The following XKR6 variants were observed in gnomAD, a reference collection of about 807,000 sequenced individuals.
XKR6 encodes the protein XK-related protein 6.
A neutral mutation model predicts 56.7 loss-of-function variants in XKR6; 22 were observed. The observed-to-expected ratio is 0.39, with a 90% CI of 0.28 to 0.55. The LOEUF is 0.55. Ranked by LOEUF, XKR6 falls within the 20% of genes least tolerant of loss-of-function variation. XKR6 has a pLI of 0.66. For synonymous variants in XKR6, 524 were observed against 387.8 expected, an observed-to-expected ratio of 1.35 and a Z score of -4.13; for missense variants, 852 against 889.0, an observed-to-expected ratio of 0.96 and a Z score of 0.53.
Position 10,898,436 on chromosome 8 carries a change from A to T in XKR6, c.1442T>A (p.Phe481Tyr). Reference sequence around the variant, plus strand: ...TGCGATCCCAGCCACAAAGCTAATAAAGACACAACACAGTGCTGGCACCGC... The same window carrying T: ...TGCGATCCCAGCCACAAAGCTAATATAGACACAACACAGTGCTGGCACCGC... ...SYAVPALCCV[F>Y]ISFVAGIAMM... Residue 481 changes from phenylalanine to tyrosine, a missense_variant, in exon 3 of 3, where the codon TTT (phenylalanine) becomes TAT (tyrosine). Around this residue, in one of 4 missense-constraint regions of XKR6, gnomAD observed 197 missense variants for 190.9 expected, o/e 1.03. Transcript: ENST00000416569. The surrounding 1 kb of genome is among the most constrained non-coding windows in gnomAD (Gnocchi z 6.6). The T allele has an allele frequency of 6.2e-7, 1 of 1,614,106 alleles. No individual in the cohort carries two copies. Among genetic ancestry groups the T allele is most frequent in the Non-Finnish European group, 8.5e-7 (1 of 1,180,010 alleles).
chr8:10,981,254 T>C (rs797018884), intron 1 of XKR6, among the ~76,000 whole-genome samples: 12 of 152,172 alleles, frequency 7.9e-5, no homozygotes, highest in African/African-American at 2.6e-4. Flanking sequence ...AGGGGGTAAA[T>C]AGATTTTCGA....
intron 1 of XKR6, chr8:11,194,772 T>C (rs1248647993): frequency 8.0e-6 from 2 of 250,352 alleles, no homozygotes; most frequent in Non-Finnish European, 7.7e-6. Flanking sequence ...TAGTATCAAA[T>C]GATGTTGAAG....
chr8:11,186,296 C>A (rs2117108056), intron 1 of XKR6, among the ~76,000 whole-genome samples: 1 of 152,314 alleles, frequency 6.6e-6, no homozygotes, highest in South Asian at 2.1e-4. Context: ...AGGTGTTGCC[C>A]AGCCACCCTT....
At position 11,164,698 on chromosome 8, in the gene XKR6, G is replaced by T. The variant is rs376280542; in HGVS notation, c.764+35878C>A. Among the ~76,000 whole-genome samples the T allele has an allele frequency of 3.0e-4, 46 of 152,214 alleles. 1 individual carries two copies. The highest frequency in any genetic ancestry group is 1.5e-3 in the East Asian group (8 of 5,184). ...AATAGAGAGGGTCTTTGATTCTTAG[G>T]ATCCCCCTTTTCTTTTCCATCCATT... On this transcript the variant is annotated intron_variant, in intron 1 of 2. Transcript: ENST00000416569.
chr8:11,136,022 A>T (rs1158715257), intron 1 of XKR6, among the ~76,000 whole-genome samples: 2 of 152,216 alleles, frequency 1.3e-5, no homozygotes, highest in African/African-American at 4.8e-5. Context: ...TATCTATGGA[A>T]TTGAGATATT....
intron 1 of XKR6, among the ~76,000 whole-genome samples, chr8:11,144,244 G>GTGTGTGTGTGTGTGTGTGTGTGTGTGTA (rs767539492): frequency 5.3e-4 from 79 of 149,528 alleles, no homozygotes; most frequent in South Asian, 8.7e-4. Flanking sequence ...GTGTGTGTGT[G>GTGTGTGTGTGTGTGTGTGTGTGTGTGTA]TGTGTGTGTG....
At chr8:10,929,373 T>G (rs1003994065) in intron 1 of XKR6, among the ~76,000 whole-genome samples, 74 of 152,240 alleles carry the variant, frequency 4.9e-4, no homozygotes, top group African/African-American at 1.7e-3. Context: ...GACAGCAAAC[T>G]GAAGCACTGA....
intron 1 of XKR6, among the ~76,000 whole-genome samples, chr8:10,967,795 G>A (rs527576685): frequency 2.7e-4 from 41 of 152,342 alleles, no homozygotes; most frequent in African/African-American, 9.4e-4. Flanking sequence ...GGAGGCTCCT[G>A]CTCCTGGCGG....
At chr8:10,986,788 C>CT (rs879286074) in intron 1 of XKR6, among the ~76,000 whole-genome samples, 108 of 143,024 alleles carry the variant, frequency 7.6e-4, no homozygotes, top group East Asian at 2.8e-3. Flanking sequence ...GTTGTTGTTT[C>CT]TTTTTTTTTT....
intron 1 of XKR6, among the ~76,000 whole-genome samples, chr8:11,142,867 A>C (rs13256092): frequency 6.6e-6 from 1 of 152,102 alleles, no homozygotes; most frequent in Non-Finnish European, 1.5e-5. Flanking sequence ...AATGAATTGT[A>C]ACTTGTCGAC....
At chr8:11,117,118 G>C (rs1799220484) in intron 1 of XKR6, among the ~76,000 whole-genome samples, 1 of 152,138 alleles carries the variant, frequency 6.6e-6, no homozygotes, top group African/African-American at 2.4e-5. Context: ...ATTTATTTAA[G>C]AACATTCAAC....
At chr8:11,130,112 T>C (rs748184183) in intron 1 of XKR6, among the ~76,000 whole-genome samples, 4 of 152,236 alleles carry the variant, frequency 2.6e-5, no homozygotes, top group Admixed American at 6.5e-5. Flanking sequence ...GACAAGAAGG[T>C]CCTTTTCACT....
intron 1 of XKR6, among the ~76,000 whole-genome samples, chr8:11,026,279 T>C (rs1798860205): frequency 6.6e-6 from 1 of 150,642 alleles, no homozygotes; most frequent in Non-Finnish European, 1.5e-5. Context: ...TGGTGTTGCC[T>C]ACTACACACC....
intron 1 of XKR6, among the ~76,000 whole-genome samples, chr8:10,991,371 C>G (rs1797990072): frequency 6.6e-6 from 1 of 152,158 alleles, no homozygotes; most frequent in South Asian, 2.1e-4. Flanking sequence ...TTGCAACTGC[C>G]TCTTTCACTT....
chr8:11,153,041 A>C (rs1441885318), intron 1 of XKR6, among the ~76,000 whole-genome samples: 3 of 152,248 alleles, frequency 2.0e-5, no homozygotes, highest in African/African-American at 7.2e-5. Context: ...AGGAATTATT[A>C]ATTTTTGAAT....
intron 1 of XKR6, among the ~76,000 whole-genome samples, chr8:10,970,651 G>A (rs1225951305): frequency 6.6e-6 from 1 of 152,088 alleles, no homozygotes; most frequent in East Asian, 1.9e-4. Flanking sequence ...CCTCATCAGG[G>A]TGGATTGTTA....
chr8:10,933,580 T>G (rs1359621525), intron 1 of XKR6, among the ~76,000 whole-genome samples: 3 of 104,970 alleles, frequency 2.9e-5, no homozygotes, highest in Non-Finnish European at 6.0e-5. Flanking sequence ...TTGTATAAGG[T>G]GTAAGGAAGG....
chr8:10,922,846 C>T (rs565417854), intron 2 of XKR6, among the ~76,000 whole-genome samples: 1 of 152,326 alleles, frequency 6.6e-6, no homozygotes, highest in African/African-American at 2.4e-5. Flanking sequence ...GATGAGTGGT[C>T]AGCCCTGCCA....
chr8:11,191,025 G>T (rs1052025332), intron 1 of XKR6, among the ~76,000 whole-genome samples: 2 of 152,162 alleles, frequency 1.3e-5, no homozygotes, highest in African/African-American at 4.8e-5. Context: ...TTTACTGCAA[G>T]TATCACACAC....
Sources: allele counts gnomAD v4.1 joint callset (sites outside exome capture counted in the v4.1 genomes callset), GRCh38; gene constraint gnomAD v4.1.1; regional missense constraint gnomAD v4.1.1; non-coding constraint Gnocchi (gnomAD v3.1); transcripts MANE v1.5; gene names NCBI Gene and HGNC (gene_info 2026-07-23, HGNC 2026-07-21).